AFG3L2: variants seen among roughly 807,000 people sequenced by gnomAD.
The protein encoded by AFG3L2 is AFG3 like matrix AAA peptidase subunit 2.
Under a neutral mutation model 94.5 loss-of-function variants are expected in AFG3L2, and 54 were observed. The observed-to-expected ratio is 0.57, with a 90% CI of 0.46 to 0.72. The LOEUF (loss-of-function observed/expected upper bound fraction) is 0.72, where lower values mean the gene tolerates loss of function less well. AFG3L2 is among the 30% of genes least tolerant of loss of function. The probability of loss-of-function intolerance (pLI) is 0.00; values close to 1 mark genes in which losing one functional copy is unlikely to be tolerated. For synonymous variants in AFG3L2, 377 were observed against 365.5 expected, an observed-to-expected ratio of 1.03 and a Z score of -0.36; for missense variants, 754 against 994.9, an observed-to-expected ratio of 0.76 and a Z score of 3.26.
Position 12,369,751 on chromosome 18 carries a change from C to T in AFG3L2, c.292+1098G>A, listed in dbSNP as rs562281713. Among the ~76,000 whole-genome samples the T allele has an allele frequency of 6.8e-5, 10 of 146,304 alleles. No homozygotes were observed. The East Asian group carries it at 2.1e-3, about 30-fold the overall frequency. Reference sequence around the variant, plus strand: ...AGAAACTGAATTACAGTTTTCTTTACATTTCCCTAAAAAAGCAAGGATGGG... The same window carrying T: ...AGAAACTGAATTACAGTTTTCTTTATATTTCCCTAAAAAAGCAAGGATGGG... On this transcript the variant is annotated intron_variant, in intron 3 of 16. Transcript: ENST00000269143.
chr18:12,337,166 A>G, intron 16 of AFG3L2, 175 bp downstream of exon 16: 1 of 673,330 alleles, frequency 1.5e-6, no homozygotes, highest in Admixed American at 2.2e-5. Context: ...TGCTCACCAC[A>G]TTGCAACCCC....
rs1437988873 is a variant in AFG3L2, at chr18:12,367,046, G to T, written c.471C>A (p.Val157=). The T allele has an allele frequency of 1.2e-6, 2 of 1,614,172 alleles. No individual in the cohort carries two copies. The highest frequency in any genetic ancestry group is 1.7e-6 in the Non-Finnish European group (2 of 1,180,006). ...ATCTCTTGAGCAGCAAGTAAAACATGACTCCACCCCAGAACAGAGCAGTCC... is the reference window on the plus strand; with the variant it reads ...ATCTCTTGAGCAGCAAGTAAAACATTACTCCACCCCAGAACAGAGCAGTCC... ...FLWTALFWGG[V]MFYLLLKRSG... The change falls in exon 5 of 17, where the codon GTC becomes GTA. Residue 157 remains valine (V), a synonymous_variant. Transcript: ENST00000269143.
intron 3 of AFG3L2, among the ~76,000 whole-genome samples, chr18:12,368,161 C>A (rs1284439876): frequency 2.7e-5 from 4 of 148,914 alleles, no homozygotes; most frequent in Admixed American, 6.7e-5. Context: ...GCGTGAAACT[C>A]CGTCTCAAAA....
chr18:12,365,811 G>A (rs1908786039), intron 5 of AFG3L2, among the ~76,000 whole-genome samples: 1 of 151,004 alleles, frequency 6.6e-6, no homozygotes, highest in Non-Finnish European at 1.5e-5. Flanking sequence ...AGGTTAAGGG[G>A]TTTCCCCAAG....
At chr18:12,360,815 A>G (rs1469440226) in intron 6 of AFG3L2, among the ~76,000 whole-genome samples, 2 of 152,190 alleles carry the variant, frequency 1.3e-5, no homozygotes, top group Non-Finnish European at 2.9e-5. Context: ...CACACATGAA[A>G]TAAGAGGCTG....
chr18:12,331,174 A>G (rs1443037420), intron 16 of AFG3L2, among the ~76,000 whole-genome samples: 1 of 152,204 alleles, frequency 6.6e-6, no homozygotes, highest in Non-Finnish European at 1.5e-5. Context: ...TGAAGCATTC[A>G]GTACAGTCAC....
Position 12,376,952 on chromosome 18 carries a change from GC to G in AFG3L2, c.114+16del. On this transcript the variant is annotated intron_variant, in intron 1 of 16. Coordinates refer to ENST00000269143, the MANE Select transcript of AFG3L2 (RefSeq NM_006796.3). ...CGAGGCAGGGTGGAGGGCGCCGGGCGCCCAGGTAGGACTCACCGTCCGGAGG... is the reference window on the plus strand; with the variant it reads ...CGAGGCAGGGTGGAGGGCGCCGGGCGCCAGGTAGGACTCACCGTCCGGAGG... 1.4e-6 allele frequency: 2 copies of G among 1,423,002 alleles called. No homozygotes were observed. The highest frequency in any genetic ancestry group is 1.8e-6 in the Non-Finnish European group (2 of 1,089,438). 88.1% of individuals were successfully genotyped at this position (1,423,002 alleles called of 1,614,324 possible). A position where few individuals can be genotyped will look rare whatever the true frequency, so the allele number is the denominator to read the frequency against.
In AFG3L2 at chr18:12,376,953, C is replaced by A; in HGVS notation, c.114+16G>T. On this transcript the variant is annotated intron_variant, in intron 1 of 16. Transcript: ENST00000269143. Reference sequence around the variant, plus strand: ...GAGGCAGGGTGGAGGGCGCCGGGCGCCCAGGTAGGACTCACCGTCCGGAGG... The same window carrying A: ...GAGGCAGGGTGGAGGGCGCCGGGCGACCAGGTAGGACTCACCGTCCGGAGG... The A allele has an allele frequency of 7.0e-7, 1 of 1,427,424 alleles. No individual in the cohort carries two copies. The highest frequency in any genetic ancestry group is 9.2e-7 in the Non-Finnish European group (1 of 1,091,974). The allele number at this position is 1,427,424 out of a possible 1,614,324, so 88.4% of individuals were successfully genotyped here.
At chr18:12,372,983 T>C (rs1341554120) in intron 1 of AFG3L2, among the ~76,000 whole-genome samples, 1 of 152,248 alleles carries the variant, frequency 6.6e-6, no homozygotes, top group Admixed American at 6.5e-5. Flanking sequence ...TGCATAACTT[T>C]ATGAATATGT....
chr18:12,368,956 G>A (rs1463014307), intron 3 of AFG3L2, among the ~76,000 whole-genome samples: 3 of 152,092 alleles, frequency 2.0e-5, no homozygotes, highest in Admixed American at 6.6e-5. Context: ...TAGTGTAGCA[G>A]GATGGGAGGC....
intron 9 of AFG3L2, 148 bp from the exon 10 acceptor site, chr18:12,353,306 G>C: frequency 1.1e-6 from 1 of 910,278 alleles, no homozygotes; most frequent in Non-Finnish European, 1.7e-6. Context: ...CCTGAGGTCA[G>C]GAGTTCGAGA....
intron 9 of AFG3L2, among the ~76,000 whole-genome samples, chr18:12,356,451 C>CT (rs1484930151): frequency 1.3e-5 from 2 of 152,184 alleles, no homozygotes; most frequent in Admixed American, 1.3e-4. Context: ...CGCGCCCAGC[C>CT]GTCAATTCTT....
chr18:12,337,695 C>T (rs1184560551), intron 15 of AFG3L2, among the ~76,000 whole-genome samples, 160 bp from the exon 16 acceptor site: 2 of 152,196 alleles, frequency 1.3e-5, no homozygotes, highest in African/African-American at 4.8e-5. Flanking sequence ...ACTAGAAACA[C>T]AGAGCCAGAA....
chr18:12,348,198 G>GC, intron 13 of AFG3L2, 75 bp downstream of exon 13: 1 of 1,287,004 alleles, frequency 7.8e-7, no homozygotes, highest in South Asian at 1.2e-5. Flanking sequence ...TCTAGTTCTT[G>GC]CCCAAACAGA....
chr18:12,333,777 G>A (rs529794251), intron 16 of AFG3L2, among the ~76,000 whole-genome samples: 3 of 152,190 alleles, frequency 2.0e-5, no homozygotes, highest in African/African-American at 4.8e-5. Context: ...AACAGTTCTC[G>A]ATTCACAGCG....
In AFG3L2 at chr18:12,329,267, C is replaced by T; in HGVS notation, c.*298G>A. The T allele has an allele frequency of 1.4e-6, 1 of 700,568 alleles. No individual in the cohort carries two copies. The highest frequency in any genetic ancestry group is 2.6e-6 in the Non-Finnish European group (1 of 384,256). 43.4% of individuals were successfully genotyped at this position (700,568 alleles called of 1,614,324 possible). A position where few individuals can be genotyped will look rare whatever the true frequency, so the allele number is the denominator to read the frequency against. On this transcript the variant is annotated 3_prime_UTR_variant, in exon 17 of 17. Coordinates refer to ENST00000269143, the MANE Select transcript of AFG3L2 (RefSeq NM_006796.3). ...TCCCTGCCACACGGTCAGCCGACCC[C>T]ACTTGGTGCCACAGGGTCCAGCCTC...
At chr18:12,369,794 C>T (rs533001025) in intron 3 of AFG3L2, among the ~76,000 whole-genome samples, 20 of 151,604 alleles carry the variant, frequency 1.3e-4, no homozygotes, top group East Asian at 5.8e-4. Flanking sequence ...TGGTGGCTCA[C>T]GCCTGTAATC....
At chr18:12,374,676 G>C (rs749864123) in intron 1 of AFG3L2, among the ~76,000 whole-genome samples, 10 of 152,186 alleles carry the variant, frequency 6.6e-5, no homozygotes, top group Non-Finnish European at 7.3e-5. Context: ...GAAAGCCTTT[G>C]GGTAACACTT....
chr18:12,331,242 G>A (rs759976153), intron 16 of AFG3L2, among the ~76,000 whole-genome samples: 1 of 152,106 alleles, frequency 6.6e-6, no homozygotes, highest in Non-Finnish European at 1.5e-5. Context: ...CTAGGTGTGC[G>A]GCAGGTGTAG....
Sources: allele counts gnomAD v4.1 joint callset (sites outside exome capture counted in the v4.1 genomes callset), GRCh38; gene constraint gnomAD v4.1.1; transcripts MANE v1.5; gene names NCBI Gene and HGNC (gene_info 2026-07-23, HGNC 2026-07-21).